The following MTMR9 variants were observed in gnomAD, a reference collection of about 807,000 sequenced individuals.
The protein encoded by MTMR9 is myotubularin-related protein 9.
A neutral mutation model predicts 69.5 loss-of-function variants in MTMR9; 39 were observed. The observed-to-expected ratio is 0.56, with a 90% CI of 0.43 to 0.73. The LOEUF is 0.73. Ranked by LOEUF, MTMR9 falls within the 30% of genes least tolerant of loss-of-function variation. The pLI is 0.00. For synonymous variants in MTMR9, 354 were observed against 240.8 expected, an observed-to-expected ratio of 1.47 and a Z score of -4.35; for missense variants, 900 against 671.2, an observed-to-expected ratio of 1.34 and a Z score of -3.77.
chr8:11,329,991 C>T (rs1240089354), downstream of MTMR9, among the ~76,000 whole-genome samples: 6 of 151,380 alleles, frequency 4.0e-5, no homozygotes, highest in Admixed American at 1.3e-4. Flanking sequence ...TGAGGAGCCC[C>T]TCCGCCTGGC....
chr8:11,331,378 G>A, downstream of MTMR9: 1 of 1,613,936 alleles, frequency 6.2e-7, no homozygotes. Context: ...AAACTGCGTG[G>A]CGACCCCCTT....
chr8:11,303,770 G>A (rs1799835985), intron 3 of MTMR9, among the ~76,000 whole-genome samples: 1 of 152,220 alleles, frequency 6.6e-6, no homozygotes, highest in East Asian at 1.9e-4. Context: ...CTGAACTCAA[G>A]CAATTTGCCT....
chr8:11,314,395 G>T (rs1471337920), intron 6 of MTMR9, among the ~76,000 whole-genome samples: 1 of 151,828 alleles, frequency 6.6e-6, no homozygotes, highest in African/African-American at 2.4e-5. Context: ...TTTTTTTCCT[G>T]TTGTCGTGTT....
At chr8:11,315,215 C>G in intron 7 of MTMR9, 151 bp downstream of exon 7, 2 of 966,538 alleles carry the variant, frequency 2.1e-6, no homozygotes, top group Non-Finnish European at 3.1e-6. Context: ...TCTGTCTTCT[C>G]CTTGTTTCTG....
At chr8:11,289,268 G>T (rs1265987745) in intron 1 of MTMR9, among the ~76,000 whole-genome samples, 2 of 152,330 alleles carry the variant, frequency 1.3e-5, no homozygotes, top group East Asian at 3.9e-4. Flanking sequence ...TGCCTTGCTG[G>T]TGAATTGTAA....
At chr8:11,296,114 C>T (rs1261073642) in intron 2 of MTMR9, among the ~76,000 whole-genome samples, 8 of 151,972 alleles carry the variant, frequency 5.3e-5, no homozygotes, top group Non-Finnish European at 2.9e-5. Context: ...TATATATACA[C>T]ATTATTACAT....
intron 5 of MTMR9, among the ~76,000 whole-genome samples, chr8:11,307,692 T>C (rs1302733018): frequency 6.6e-6 from 1 of 152,212 alleles, no homozygotes; most frequent in Non-Finnish European, 1.5e-5. Flanking sequence ...CTTTTGTCCA[T>C]ATTCTCAACA....
chr8:11,333,618 T>A, the MTMR9 span, among the ~76,000 whole-genome samples: 1 of 152,206 alleles, frequency 6.6e-6, no homozygotes, highest in Non-Finnish European at 1.5e-5. Flanking sequence ...CCAGTATTAT[T>A]ATAACTTTAG....
chr8:11,314,731 T>C (rs1054815327), intron 6 of MTMR9, among the ~76,000 whole-genome samples, 192 bp from the exon 7 acceptor site: 2 of 152,248 alleles, frequency 1.3e-5, no homozygotes, highest in African/African-American at 2.4e-5. Flanking sequence ...GAGAATCTTA[T>C]CTATCGTATG....
At chr8:11,317,980 A>G (rs7837036) in intron 8 of MTMR9, 55,755 of 151,808 alleles carry the variant, frequency 0.37, 11,592 homozygotes, top group East Asian at 0.74. Flanking sequence ...CTCCCCACTT[A>G]GAGGGGAGGA....
In MTMR9 at chr8:11,287,798, CATATTATATAATACATATA is replaced by C. The variant is rs1284819576; in HGVS notation, c.182+2733_182+2751del. Among the ~76,000 whole-genome samples the C allele has an allele frequency of 6.7e-3, 121 of 18,032 alleles. 1 individual carries two copies. The highest frequency in any genetic ancestry group is 2.8e-3 in the Non-Finnish European group (30 of 10,606). 11.8% of individuals were successfully genotyped at this position (18,032 alleles called of 152,430 possible). On this transcript the variant is annotated intron_variant, in intron 1 of 9. Transcript: ENST00000221086. ...TATTTATTATATATTATATATAATA[CATATTATATAATACATATA>C]ATATATAATATATAACATTATATAT...
intron 9 of MTMR9, among the ~76,000 whole-genome samples, chr8:11,321,786 C>A (rs745815828): frequency 2.0e-5 from 3 of 152,198 alleles, no homozygotes; most frequent in Non-Finnish European, 4.4e-5. Context: ...CGCTGTGGTT[C>A]TGCTTTCCCT....
chr8:11,288,132 A>G (rs1433177099), intron 1 of MTMR9, among the ~76,000 whole-genome samples: 3 of 132,922 alleles, frequency 2.3e-5, no homozygotes, highest in Non-Finnish European at 4.7e-5. Flanking sequence ...ATTCACCTAA[A>G]TATTCACCTA....
In MTMR9 at chr8:11,316,763, G is replaced by C. The variant is rs1452054196; in HGVS notation, c.1204G>C (p.Asp402His). The C allele has an allele frequency of 6.2e-7, 1 of 1,613,738 alleles. No homozygotes were observed. Among genetic ancestry groups the C allele is most frequent in the African/African-American group, 1.3e-5 (1 of 74,844 alleles). ...WEAPVFLLFL[D>H]CVWQILRQFP... ...GGCTCCTGTATTTCTTCTCTTCTTG[G>C]ACTGCGTGTGGCAGATCCTTCGTCA... The change falls in exon 8 of 10, where the codon GAC (aspartate) becomes CAC (histidine). Residue 402 changes from aspartate to histidine, a missense_variant. By Grantham distance (81) the Asp-to-His change is moderately conservative. Transcript: ENST00000221086.
At chr8:11,309,756 CAT>C in intron 6 of MTMR9, 68 bp downstream of exon 6, 1 of 1,537,250 alleles carries the variant, frequency 6.5e-7, no homozygotes, top group Non-Finnish European at 8.8e-7. Flanking sequence ...TTTATCCAGA[CAT>C]ATGTTTATAG....
Position 11,322,863 on chromosome 8 carries a change from A to T in MTMR9, c.*75A>T. The T allele has an allele frequency of 7.2e-7, 1 of 1,387,866 alleles. No individual in the cohort carries two copies. The highest frequency in any genetic ancestry group is 9.9e-7 in the Non-Finnish European group (1 of 1,012,112). 86.0% of individuals were successfully genotyped at this position (1,387,866 alleles called of 1,614,324 possible). On this transcript the variant is annotated 3_prime_UTR_variant, in exon 10 of 10. Transcript: ENST00000221086. Reference sequence around the variant, plus strand: ...GTTCTCTCCTTGTGCCCTTCAGTTCACTTTTACACGGTAGCCTTGAAGTGA... The same window carrying T: ...GTTCTCTCCTTGTGCCCTTCAGTTCTCTTTTACACGGTAGCCTTGAAGTGA...
intron 6 of MTMR9, among the ~76,000 whole-genome samples, chr8:11,310,867 G>C (rs1455107071): frequency 6.6e-6 from 1 of 152,090 alleles, no homozygotes; most frequent in Non-Finnish European, 1.5e-5. Context: ...ACATCCCTCA[G>C]TGCAGAATGC....
downstream of MTMR9, chr8:11,331,271 C>T (rs142496846): frequency 5.0e-6 from 8 of 1,613,734 alleles, no homozygotes; most frequent in East Asian, 2.2e-5. Context: ...GCTTCGTGGG[C>T]CCCCTTTCTC....
the MTMR9 span, among the ~76,000 whole-genome samples, chr8:11,335,923 G>A: frequency 5.9e-5 from 9 of 152,154 alleles, no homozygotes; most frequent in African/African-American, 2.2e-4. Context: ...CTGGGAGTTA[G>A]GACTTCAACA....
Sources: gnomAD v4.1 joint callset for allele counts (sites outside exome capture counted in the v4.1 genomes callset) on GRCh38, gnomAD v4.1.1 for gene constraint, MANE v1.5 for transcripts, NCBI Gene and HGNC (gene_info 2026-07-23, HGNC 2026-07-21) for gene names.